NOL4L: variants seen among roughly 807,000 people sequenced by gnomAD.
NOL4L encodes nucleolar protein 4 like, also known as nucleolar protein 4-like.
Under a neutral mutation model 64.5 loss-of-function variants are expected in NOL4L, and 7 were observed. That is an observed-to-expected ratio of 0.11 (90% CI 0.06 to 0.20). NOL4L has a LOEUF of 0.20. Among genes scored for constraint, NOL4L ranks in the 10% least tolerant of loss-of-function variants. The pLI, the probability that NOL4L is intolerant of heterozygous loss-of-function variation, is 1.00. For missense variants in NOL4L, 680 were observed against 967.1 expected (o/e 0.70, Z 3.94); for synonymous variants, 413 against 401.0 (o/e 1.03, Z -0.36).
At chr20:32,518,672 T>C (rs2145569762) in intron 3 of NOL4L, among the ~76,000 whole-genome samples, 1 of 152,254 alleles carries the variant, frequency 6.6e-6, no homozygotes, top group South Asian at 2.1e-4. Flanking sequence ...CCAGTTGCTA[T>C]GGAAACAATG....
At chr20:32,487,936 T>TA (rs1555796302) in intron 4 of NOL4L, among the ~76,000 whole-genome samples, 20 of 118,202 alleles carry the variant, frequency 1.7e-4, no homozygotes, top group African/African-American at 5.8e-4. Flanking sequence ...TTGGTTTTAT[T>TA]TTTTTTTTTT....
intron 1 of NOL4L, among the ~76,000 whole-genome samples, chr20:32,534,364 T>G (rs991877398): frequency 6.6e-6 from 1 of 152,190 alleles, no homozygotes; most frequent in African/African-American, 2.4e-5. Flanking sequence ...AATCTTTGGC[T>G]ACCACGTGGG....
intron 1 of NOL4L, among the ~76,000 whole-genome samples, chr20:32,544,597 C>T (rs1376232783): frequency 2.7e-5 from 4 of 150,746 alleles, no homozygotes; most frequent in Admixed American, 6.6e-5. Flanking sequence ...GGCAGGTGGG[C>T]GAGGCTGGAA....
chr20:32,457,088 G>A (rs1287759709), intron 5 of NOL4L, among the ~76,000 whole-genome samples: 1 of 152,218 alleles, frequency 6.6e-6, no homozygotes, highest in African/African-American at 2.4e-5. Flanking sequence ...GGGCCTGCCC[G>A]GCGTCTCAGG....
At chr20:32,566,651 C>T (rs546115114) in intron 1 of NOL4L, among the ~76,000 whole-genome samples, 13 of 152,240 alleles carry the variant, frequency 8.5e-5, no homozygotes, top group African/African-American at 3.1e-4. Context: ...ACCCAATTCC[C>T]GTATAATTTG....
At chr20:32,482,844 T>C (rs2015820364) in intron 4 of NOL4L, among the ~76,000 whole-genome samples, 1 of 147,164 alleles carries the variant, frequency 6.8e-6, no homozygotes, top group South Asian at 2.2e-4. Context: ...CACAGTCCAC[T>C]TCCCTTCTCG....
chr20:32,564,356 G>A (rs1185468065), intron 1 of NOL4L, among the ~76,000 whole-genome samples: 1 of 152,176 alleles, frequency 6.6e-6, no homozygotes, highest in Non-Finnish European at 1.5e-5. Flanking sequence ...CCTCACAGCC[G>A]CTCATGGGTT....
At position 32,446,795 on chromosome 20, in the gene NOL4L, T is replaced by C. The variant is rs756319262; in HGVS notation, c.*801A>G. ...ATCCTGGAAAAAGCCCACGCTGGAG[T>C]GTGAGGTAGAATACAGGTGACCATG... On this transcript the variant is annotated 3_prime_UTR_variant, in exon 11 of 11. Transcript: ENST00000621426. The C allele has an allele frequency of 2.8e-5, 5 of 176,936 alleles. No homozygotes were observed. The highest frequency in any genetic ancestry group is 4.8e-5 in the Non-Finnish European group (4 of 83,078). 11.0% of individuals were successfully genotyped at this position (176,936 alleles called of 1,614,324 possible).
At chr20:32,481,987 G>T (rs1344058885) in intron 4 of NOL4L, among the ~76,000 whole-genome samples, 3 of 151,832 alleles carry the variant, frequency 2.0e-5, no homozygotes, top group Non-Finnish European at 4.4e-5. Context: ...GCAGGCTGGG[G>T]TTGCCAGCTG....
At chr20:32,449,377 T>G (rs2012643168) in intron 10 of NOL4L, among the ~76,000 whole-genome samples, 1 of 152,242 alleles carries the variant, frequency 6.6e-6, no homozygotes, top group Admixed American at 6.5e-5. Flanking sequence ...GGACAAGCTC[T>G]TGTCACGGGA....
rs374212206 is a variant in NOL4L, at chr20:32,447,429, A to AAAAAT, written c.*166_*167insATTTT. On this transcript the variant is annotated 3_prime_UTR_variant, in exon 11 of 11. Coordinates refer to ENST00000621426, the MANE Select transcript of NOL4L (RefSeq NM_001256798.2). ...AAAAAAAAAAAAAAAAAAAAAAAAA[A>AAAAAT]GTGTCCTTGTGCCCAAAGTCTCAGG... 2.2e-5 allele frequency: 17 copies of AAAAAT among 758,122 alleles called. No individual in the cohort carries two copies. The highest frequency in any genetic ancestry group is 1.1e-4 in the African/African-American group (6 of 56,058). The allele number at this position is 758,122 out of a possible 1,614,324, so 47.0% of individuals were successfully genotyped here.
chr20:32,490,137 A>AT (rs1568651192), intron 4 of NOL4L, among the ~76,000 whole-genome samples: 9 of 143,552 alleles, frequency 6.3e-5, no homozygotes, highest in African/African-American at 2.2e-4. Flanking sequence ...TCAAAAAAAA[A>AT]AAAAAAAATA....
chr20:32,472,787 G>A (rs1351455327), intron 5 of NOL4L, among the ~76,000 whole-genome samples: 3 of 152,050 alleles, frequency 2.0e-5, no homozygotes. Context: ...GTCTCGGAGG[G>A]GACAGTGAGG....
rs914852583 is a variant in NOL4L, at chr20:32,444,289, T to C, written c.*3307A>G. 2 of 152,234 alleles carry C rather than the reference T, an allele frequency of 1.3e-5. No homozygotes were observed. The highest frequency in any genetic ancestry group is 2.9e-5 in the Non-Finnish European group (2 of 68,038). The allele number at this position is 152,234 out of a possible 1,614,324, so 9.4% of individuals were successfully genotyped here. On this transcript the variant is annotated 3_prime_UTR_variant, in exon 11 of 11. Coordinates refer to ENST00000621426, the MANE Select transcript of NOL4L (RefSeq NM_001256798.2). ...ACTAAATTATATAAAAATCAGACCA[T>C]GGACGGATTGAAACTGGTATTCTGG...
intron 1 of NOL4L, among the ~76,000 whole-genome samples, chr20:32,553,998 C>A (rs1978471582): frequency 6.6e-6 from 1 of 152,168 alleles, no homozygotes; most frequent in African/African-American, 2.4e-5. Flanking sequence ...ACTGACCCTA[C>A]AATAAACCAT....
rs770495226 is a variant in NOL4L at position 32,445,002 on chromosome 20, T to A, written c.*2594A>T. Reference sequence around the variant, plus strand: ...CCAGCTAAATGGAATCCTGTTTCCATGCAGAAACTTGCTCCTGATTCTGCC... The same window carrying A: ...CCAGCTAAATGGAATCCTGTTTCCAAGCAGAAACTTGCTCCTGATTCTGCC... On this transcript the variant is annotated 3_prime_UTR_variant, in exon 11 of 11. Transcript: ENST00000621426. 1 of 152,236 alleles carries A rather than the reference T, an allele frequency of 6.6e-6. No individual in the cohort carries two copies. Among genetic ancestry groups the A allele is most frequent in the Non-Finnish European group, 1.5e-5 (1 of 68,046 alleles). 9.4% of individuals were successfully genotyped at this position (152,236 alleles called of 1,614,324 possible).
intron 1 of NOL4L, among the ~76,000 whole-genome samples, chr20:32,562,472 T>A (rs1325937810): frequency 6.6e-6 from 1 of 152,158 alleles, no homozygotes; most frequent in African/African-American, 2.4e-5. Flanking sequence ...GACACTTCCA[T>A]GCCTCTGCAC....
rs955092270 is a variant in NOL4L at position 32,445,251 on chromosome 20, A to G, written c.*2345T>C. The G allele has an allele frequency of 6.6e-6, 1 of 152,242 alleles. No individual in the cohort carries two copies. Among genetic ancestry groups the G allele is most frequent in the Admixed American group, 6.5e-5 (1 of 15,284 alleles). The allele number at this position is 152,242 out of a possible 1,614,324, so 9.4% of individuals were successfully genotyped here. ...TCCAACAGCTTGAACTCAGAAAAACATGACTTCAAACTGTAGCTTATGCTG... is the reference window on the plus strand; with the variant it reads ...TCCAACAGCTTGAACTCAGAAAAACGTGACTTCAAACTGTAGCTTATGCTG... On this transcript the variant is annotated 3_prime_UTR_variant, in exon 11 of 11. Coordinates refer to ENST00000621426, the MANE Select transcript of NOL4L (RefSeq NM_001256798.2).
chr20:32,510,702 T>C (rs1231007217), intron 4 of NOL4L: 1 of 153,964 alleles, frequency 6.5e-6, no homozygotes, highest in Non-Finnish European at 1.4e-5. Flanking sequence ...TAGGCAGTGG[T>C]TGGGGGGTGG....
Sources: gnomAD v4.1 joint callset for allele counts (sites outside exome capture counted in the v4.1 genomes callset) on GRCh38, gnomAD v4.1.1 for gene constraint, MANE v1.5 for transcripts, NCBI Gene and HGNC (gene_info 2026-07-23, HGNC 2026-07-21) for gene names.